The following DENND3 variants were observed in gnomAD, a reference collection of about 807,000 sequenced individuals.
The protein encoded by DENND3 is DENN domain containing 3, also known as DENN domain-containing protein 3.
DENND3 carries 88 observed loss-of-function variants against 135.1 expected under a neutral mutation model. The observed-to-expected ratio is 0.65, with a 90% CI of 0.55 to 0.78. The LOEUF is 0.78. DENND3 is among the 30% of genes least tolerant of loss of function. The pLI, the probability that DENND3 is intolerant of heterozygous loss-of-function variation, is 0.00. For missense variants in DENND3, 1,392 were observed against 1,688.4 expected, an observed-to-expected ratio of 0.82 and a Z score of 3.08; for synonymous variants, 693 against 712.3, an observed-to-expected ratio of 0.97 and a Z score of 0.43.
intron 1 of DENND3, among the ~76,000 whole-genome samples, chr8:141,132,665 G>A (rs1816270804): frequency 6.6e-6 from 1 of 152,070 alleles, no homozygotes; most frequent in African/African-American, 2.4e-5. Flanking sequence ...CCTCTATATT[G>A]TTATTTTTAA....
At position 141,145,943 on chromosome 8, in the gene DENND3, G is replaced by T. The variant is rs188650066; in HGVS notation, c.735+1684G>T. ...GGCTCACTGCAAGCTCTGCCTCCTG[G>T]GTTCAAGACATTCTCTTGCCTCAGC... On this transcript the variant is annotated intron_variant, in intron 5 of 22. Transcript: ENST00000519811. 2.5e-4 allele frequency among the ~76,000 whole-genome samples: 37 copies of T among 149,782 alleles called. No homozygotes were observed. In the East Asian group the frequency reaches 7.3e-3, roughly 30 times the overall value.
intron 1 of DENND3, among the ~76,000 whole-genome samples, chr8:141,134,818 T>A (rs986036081): frequency 2.5e-4 from 38 of 152,140 alleles, no homozygotes; most frequent in Non-Finnish European, 2.9e-5. Context: ...AGGTCCCATT[T>A]CTCTGGATGG....
Position 141,183,809 on chromosome 8 carries a change from G to C in DENND3, c.2945-1330G>C, listed in dbSNP as rs1014843998. 3.3e-5 allele frequency among the ~76,000 whole-genome samples: 5 copies of C among 150,674 alleles called. No homozygotes were observed. In the South Asian group the frequency reaches 1.0e-3, roughly 32 times the overall value. Reference sequence around the variant, plus strand: ...AAAGTGCAACAGGCTCCAGGGCAACGCTCACTCTAGCTGAAGATGGCAAAA... The same window carrying C: ...AAAGTGCAACAGGCTCCAGGGCAACCCTCACTCTAGCTGAAGATGGCAAAA... On this transcript the variant is annotated intron_variant, in intron 17 of 22. Transcript: ENST00000519811.
chr8:141,176,282 C>A (rs143860879), intron 14 of DENND3: 10,043 of 86,124 alleles, frequency 0.12, 914 homozygotes, highest in African/African-American at 0.38. Context: ...AAAACAAAAA[C>A]AAAACAAAAA....
At chr8:141,153,706 A>C (rs1229053577) in intron 7 of DENND3, among the ~76,000 whole-genome samples, 1 of 152,256 alleles carries the variant, frequency 6.6e-6, no homozygotes, top group African/African-American at 2.4e-5. Flanking sequence ...GGAACGGAAA[A>C]GCGTCATCCA....
At chr8:141,169,337 A>G (rs2154613207) in intron 13 of DENND3, among the ~76,000 whole-genome samples, 1 of 152,372 alleles carries the variant, frequency 6.6e-6, no homozygotes, top group Non-Finnish European at 1.5e-5. Context: ...CTGAGATCTT[A>G]CACAGCCTGT....
intron 5 of DENND3, among the ~76,000 whole-genome samples, 194 bp from the exon 6 acceptor site, chr8:141,150,640 T>C (rs566112813): frequency 2.6e-5 from 4 of 152,376 alleles, no homozygotes; most frequent in African/African-American, 9.6e-5. Context: ...ACTTAATTTA[T>C]GTTTGAGCCT....
chr8:141,147,599 C>A (rs1428908423), intron 5 of DENND3, among the ~76,000 whole-genome samples: 2 of 152,244 alleles, frequency 1.3e-5, no homozygotes, highest in African/African-American at 4.8e-5. Flanking sequence ...GTCTTCGGAT[C>A]GTCTTCTCTG....
chr8:141,136,460 G>C, intron 1 of DENND3, 49 bp from the exon 2 acceptor site: 1 of 1,486,600 alleles, frequency 6.7e-7, no homozygotes, highest in Non-Finnish European at 8.9e-7. Context: ...GGATACCCTC[G>C]AACAAGAGCT....
rs1818184333 is a variant in DENND3 at position 141,146,678 on chromosome 8, C to T, written c.735+2419C>T. Among the ~76,000 whole-genome samples the T allele has an allele frequency of 6.6e-6, 1 of 152,136 alleles. No individual in the cohort carries two copies. The highest frequency in any genetic ancestry group is 1.5e-5 in the Non-Finnish European group (1 of 68,022). ...AAAATGTGCGTTTTTAACATTACCC[C>T]AACCCCAGCAGTCTGCTGGGTGGAA... On this transcript the variant is annotated intron_variant, in intron 5 of 22. Transcript: ENST00000519811. This position sits in a 1 kb window ranked among gnomAD's most constrained non-coding sequence, Gnocchi z 4.3.
At chr8:141,179,050 C>T (rs1286060892) in intron 16 of DENND3, among the ~76,000 whole-genome samples, 2 of 152,202 alleles carry the variant, frequency 1.3e-5, no homozygotes, top group African/African-American at 2.4e-5. Context: ...TTTAAAAAGT[C>T]GCAGAATTAG....
rs762089441 is a variant in DENND3, at chr8:141,166,317, A to C, written c.1681A>C (p.Met561Leu). The C allele has an allele frequency of 1.2e-6, 2 of 1,613,956 alleles. No individual in the cohort carries two copies. Among genetic ancestry groups the C allele is most frequent in the Admixed American group, 3.3e-5 (2 of 60,024 alleles). Residue 561 changes from methionine to leucine, a missense_variant, in exon 12 of 23, where the codon ATG becomes CTG. Physicochemically the swap from Met to Leu is conservative, Grantham distance 15. Coordinates refer to ENST00000519811, the MANE Select transcript of DENND3 (RefSeq NM_001352890.3). This position sits in a 1 kb window ranked among gnomAD's most constrained non-coding sequence, Gnocchi z 4.3. Reference sequence around the variant, plus strand: ...CATGCCCAACCTGCAGGACATTGCCATGCCTGAGCTGGCACCCAGGAACTC... The same window carrying C: ...CATGCCCAACCTGCAGGACATTGCCCTGCCTGAGCTGGCACCCAGGAACTC... ...VSMPNLQDIAMPELAPRNSSL... is the reference protein window; with the variant it reads ...VSMPNLQDIALPELAPRNSSL...
At chr8:141,145,189 C>T (rs184970267) in intron 5 of DENND3, among the ~76,000 whole-genome samples, 13 of 152,330 alleles carry the variant, frequency 8.5e-5, no homozygotes, top group African/African-American at 2.4e-4. Flanking sequence ...GGGCCTCAGC[C>T]GCACACCCCC....
At chr8:141,150,581 T>A (rs1818677126) in intron 5 of DENND3, among the ~76,000 whole-genome samples, 1 of 152,264 alleles carries the variant, frequency 6.6e-6, no homozygotes. Context: ...AGTTTGCTGA[T>A]TAATTAGAGC....
chr8:141,131,483 C>T lies in DENND3; in HGVS notation c.102+2674C>T, dbSNP rs115014419. On this transcript the variant is annotated intron_variant, in intron 1 of 22. Transcript: ENST00000519811. ...CTGGCCTTCCTGGGTGATGGCAGTT[C>T]GTGTCCTCTCTTTGCACCGTGCAGT... 4.9e-3 allele frequency among the ~76,000 whole-genome samples: 753 copies of T among 152,284 alleles called. 2 individuals carry two copies. The highest frequency in any genetic ancestry group is 0.016 in the African/African-American group (681 of 41,546).
rs1030873561 is a variant in DENND3 at position 141,182,695 on chromosome 8, A to G, written c.2944+1841A>G. Among the ~76,000 whole-genome samples, 23 of 152,330 alleles carry G rather than the reference A, an allele frequency of 1.5e-4. No homozygotes were observed. Among genetic ancestry groups the G allele is most frequent in the African/African-American group, 5.3e-4 (22 of 41,570 alleles). ...GTGGCCGAGAAGCTGGTAGCCGAGCAGGGCTTTTGCAAGCCTTGTGAGATT... is the reference window on the plus strand; with the variant it reads ...GTGGCCGAGAAGCTGGTAGCCGAGCGGGGCTTTTGCAAGCCTTGTGAGATT... On this transcript the variant is annotated intron_variant, in intron 17 of 22. Transcript: ENST00000519811. The surrounding 1 kb of genome is among the most constrained non-coding windows in gnomAD (Gnocchi z 5.9).
rs1820750394 is a variant in DENND3 at position 141,166,100 on chromosome 8, T to C, written c.1554-90T>C. On this transcript the variant is annotated intron_variant, in intron 11 of 22. Transcript: ENST00000519811. This position sits in a 1 kb window ranked among gnomAD's most constrained non-coding sequence, Gnocchi z 4.3. ...TGGTGTCCAAGAGTGTCATGTGCTCTTCATCACACTGGGAAAAATGCTTAG... is the reference window on the plus strand; with the variant it reads ...TGGTGTCCAAGAGTGTCATGTGCTCCTCATCACACTGGGAAAAATGCTTAG... 3 of 1,306,596 alleles carry C rather than the reference T, an allele frequency of 2.3e-6. No individual in the cohort carries two copies. The highest frequency in any genetic ancestry group is 3.3e-6 in the Non-Finnish European group (3 of 916,340). The allele number at this position is 1,306,596 out of a possible 1,614,324, so 80.9% of individuals were successfully genotyped here.
At chr8:141,140,863 G>T (rs181346249) in intron 3 of DENND3, among the ~76,000 whole-genome samples, 2 of 152,226 alleles carry the variant, frequency 1.3e-5, no homozygotes, top group Admixed American at 6.5e-5. Context: ...CTTCCTGTGC[G>T]TGGCCCCTGC....
chr8:141,170,263 C>G (rs1032304103), intron 13 of DENND3, among the ~76,000 whole-genome samples: 3 of 152,174 alleles, frequency 2.0e-5, no homozygotes, highest in African/African-American at 7.2e-5. Context: ...AGAGGCCCGG[C>G]AGGTCTCTCT....
Sources: gnomAD v4.1 joint callset for allele counts (sites outside exome capture counted in the v4.1 genomes callset) on GRCh38, gnomAD v4.1.1 for gene constraint, Gnocchi (gnomAD v3.1) non-coding constraint, MANE v1.5 for transcripts, NCBI Gene and HGNC (gene_info 2026-07-23, HGNC 2026-07-21) for gene names.